The following EFL1 variants were observed in gnomAD, a reference collection of about 807,000 sequenced individuals.
EFL1 encodes the protein elongation factor-like GTPase 1.
In EFL1, 76 loss-of-function variants were observed where a neutral mutation model predicts 126.7. That is an observed-to-expected ratio of 0.60 (90% CI 0.50 to 0.73). The LOEUF (loss-of-function observed/expected upper bound fraction) is 0.73. Among genes scored for constraint, EFL1 ranks in the 30% least tolerant of loss-of-function variants. EFL1 has a pLI of 0.00. For synonymous variants in EFL1, 410 were observed against 448.4 expected (o/e 0.91, Z 1.08); for missense variants, 1,128 against 1,343.2 (o/e 0.84, Z 2.50).
At chr15:82,171,738 A>G (rs1014057556) in intron 15 of EFL1, among the ~76,000 whole-genome samples, 1 of 152,184 alleles carries the variant, frequency 6.6e-6, no homozygotes, top group Non-Finnish European at 1.5e-5. Flanking sequence ...GGGAGGTTGG[A>G]TAAAAAACTA....
chr15:82,157,847 C>G lies in EFL1; in HGVS notation c.1896G>C (p.Gln632His), dbSNP rs1178994752. The stretch of plus-strand genomic sequence containing the variant: ...TTAACAGTTTCATTCCTTTTACGAG[C>G]TGAGGCATTTCACCTAGGTTAACAA... ...VEPKHPSEMP[Q>H]LVKGMKLLNQ... Residue 632 changes from glutamine to histidine, a missense_variant, in exon 17 of 20, where the codon CAG (glutamine) becomes CAC (histidine). Coordinates refer to ENST00000268206, the MANE Select transcript of EFL1 (RefSeq NM_024580.6). The G allele has an allele frequency of 3.1e-6, 5 of 1,612,732 alleles. No individual in the cohort carries two copies. In the South Asian group the frequency reaches 3.3e-5, roughly 11 times the overall value.
At chr15:82,243,505 A>G (rs200475514) in intron 4 of EFL1, among the ~76,000 whole-genome samples, 6,563 of 16,880 alleles carry the variant, frequency 0.39, 1,606 homozygotes, top group African/African-American at 0.45. Context: ...GGGAAACAAC[A>G]CTTGCCTATT....
chr15:82,145,029 C>T (rs1412757394), intron 18 of EFL1, among the ~76,000 whole-genome samples: 3 of 150,350 alleles, frequency 2.0e-5, no homozygotes, highest in African/African-American at 7.3e-5. Flanking sequence ...CGAGGCCAGG[C>T]ACGGTGGCTC....
At chr15:82,152,790 T>G (rs991731112) in intron 17 of EFL1, among the ~76,000 whole-genome samples, 1 of 151,994 alleles carries the variant, frequency 6.6e-6, no homozygotes, top group Non-Finnish European at 1.5e-5. Flanking sequence ...CATCTAAGAG[T>G]GTGGAGAAGA....
At chr15:82,134,239 C>A (rs755778015) in intron 19 of EFL1, among the ~76,000 whole-genome samples, 1 of 152,102 alleles carries the variant, frequency 6.6e-6, no homozygotes, top group Non-Finnish European at 1.5e-5. Flanking sequence ...CTCGAGTGCT[C>A]GAGGCTGGTT....
At chr15:82,188,921 T>C (rs1744811067) in intron 15 of EFL1, among the ~76,000 whole-genome samples, 1 of 150,346 alleles carries the variant, frequency 6.7e-6, no homozygotes, top group Non-Finnish European at 1.5e-5. Context: ...GTTTATGCTT[T>C]TTTTTTTTTT....
chr15:82,185,896 CTA>C (rs1011001122), intron 15 of EFL1, among the ~76,000 whole-genome samples: 7 of 152,100 alleles, frequency 4.6e-5, no homozygotes, highest in African/African-American at 1.7e-4. Flanking sequence ...TTTAAAATCT[CTA>C]TGTTTATTAC....
rs779937747 is a variant in EFL1, at chr15:82,225,191, A to G, written c.1266T>C (p.Ala422=). Residue 422 remains alanine (A), a synonymous_variant, in exon 12 of 20, where the codon GCT becomes GCC. Coordinates refer to ENST00000268206, the MANE Select transcript of EFL1 (RefSeq NM_024580.6). Reference sequence around the variant, plus strand: ...TTGGCTTATTCTGAGGCAAGGCCTTAGCATCAACTGCAAACATTTTGGAAA... The same window carrying G: ...TTGGCTTATTCTGAGGCAAGGCCTTGGCATCAACTGCAAACATTTTGGAAA... ...IFVSKMFAVD[A]KALPQNKPRP... 1.2e-6 allele frequency: 2 copies of G among 1,612,080 alleles called. No homozygotes were observed. Among genetic ancestry groups the G allele is most frequent in the Non-Finnish European group, 1.7e-6 (2 of 1,179,392 alleles).
At chr15:82,138,217 C>T (rs964214004) in intron 19 of EFL1, among the ~76,000 whole-genome samples, 1 of 152,060 alleles carries the variant, frequency 6.6e-6, no homozygotes, top group African/African-American at 2.4e-5. Flanking sequence ...TAAAGCTACC[C>T]CTTGCAAGAA....
intron 15 of EFL1, among the ~76,000 whole-genome samples, chr15:82,201,282 G>A (rs2074465481): frequency 6.6e-6 from 1 of 152,160 alleles, no homozygotes; most frequent in Non-Finnish European, 1.5e-5. Context: ...CAGTCCTTAG[G>A]GAATTTGCAG....
chr15:82,247,741 G>A (rs1188454725), intron 4 of EFL1, among the ~76,000 whole-genome samples: 2 of 152,082 alleles, frequency 1.3e-5, no homozygotes, highest in Non-Finnish European at 2.9e-5. Context: ...TGTTTTCACA[G>A]TAAGTTTTGG....
intron 15 of EFL1, chr15:82,174,207 C>G (rs2074168822): frequency 1.3e-5 from 2 of 151,696 alleles, no homozygotes; most frequent in Non-Finnish European, 2.9e-5. Flanking sequence ...AAAAAAAAAC[C>G]ATTTATGTCA....
chr15:82,253,616 T>G (rs912815434), intron 3 of EFL1, among the ~76,000 whole-genome samples: 1 of 152,198 alleles, frequency 6.6e-6, no homozygotes, highest in African/African-American at 2.4e-5. Flanking sequence ...TGACAAATTC[T>G]GAGCAGAGAC....
intron 15 of EFL1, among the ~76,000 whole-genome samples, chr15:82,200,265 A>G (rs1595978903): frequency 6.6e-6 from 1 of 152,250 alleles, no homozygotes; most frequent in Non-Finnish European, 1.5e-5. Context: ...AAATGCCAAA[A>G]TAAATGGTAG....
At chr15:82,180,596 A>C (rs923682437) in intron 15 of EFL1, among the ~76,000 whole-genome samples, 2 of 152,178 alleles carry the variant, frequency 1.3e-5, no homozygotes, top group African/African-American at 4.8e-5. Context: ...GTAGCAAAAA[A>C]ACACTAAGAT....
At chr15:82,195,415 C>A (rs1207437390) in intron 15 of EFL1, among the ~76,000 whole-genome samples, 3 of 152,288 alleles carry the variant, frequency 2.0e-5, no homozygotes, top group African/African-American at 7.2e-5. Context: ...ATGAAAAACA[C>A]ACACCCAACC....
At chr15:82,247,090 A>G (rs7183805) in intron 4 of EFL1, among the ~76,000 whole-genome samples, 117,983 of 152,052 alleles carry the variant, frequency 0.78, 46,689 homozygotes, top group African/African-American at 0.92. Context: ...GGCTGTATGA[A>G]GCAGGAAATG....
intron 15 of EFL1, among the ~76,000 whole-genome samples, chr15:82,191,987 A>G (rs2074364852): frequency 6.6e-6 from 1 of 152,232 alleles, no homozygotes; most frequent in Non-Finnish European, 1.5e-5. Flanking sequence ...CTGCTATTAT[A>G]TCTCGTCTAT....
intron 16 of EFL1, among the ~76,000 whole-genome samples, chr15:82,161,233 A>G (rs984209995): frequency 4.6e-5 from 7 of 152,218 alleles, no homozygotes; most frequent in Non-Finnish European, 8.8e-5. Context: ...CAAGAAAAAC[A>G]ATGAATGTGT....
Sources: allele counts gnomAD v4.1 joint callset (sites outside exome capture counted in the v4.1 genomes callset), GRCh38; gene constraint gnomAD v4.1.1; transcripts MANE v1.5; gene names NCBI Gene and HGNC (gene_info 2026-07-23, HGNC 2026-07-21).